EBF3: variants seen among roughly 807,000 people sequenced by gnomAD.
The protein encoded by EBF3 is transcription factor COE3.
EBF3 carries 18 observed loss-of-function variants against 77.1 expected under a neutral mutation model. That is an observed-to-expected ratio of 0.23 (90% CI 0.16 to 0.35). The LOEUF is 0.35. Among genes scored for constraint, EBF3 ranks in the 10% least tolerant of loss-of-function variants. The pLI, the probability that EBF3 is intolerant of heterozygous loss-of-function variation, is 1.00. For synonymous variants in EBF3, 350 were observed against 343.5 expected, an observed-to-expected ratio of 1.02 and a Z score of -0.21; for missense variants, 558 against 860.0, an observed-to-expected ratio of 0.65 and a Z score of 4.39.
intron 10 of EBF3, among the ~76,000 whole-genome samples, chr10:129,854,590 GGAAT>G (rs1338074481): frequency 6.6e-6 from 1 of 152,194 alleles, no homozygotes; most frequent in South Asian, 2.1e-4. Flanking sequence ...ACGCGGCCAT[GGAAT>G]GAAATCGGTT....
At chr10:129,908,680 G>T (rs777404339) in intron 6 of EBF3, among the ~76,000 whole-genome samples, 2 of 152,212 alleles carry the variant, frequency 1.3e-5, no homozygotes, top group African/African-American at 4.8e-5. Flanking sequence ...GGCGTTGATC[G>T]GATTTCCCTT....
At chr10:129,866,078 G>A (rs1340689236) in intron 10 of EBF3, among the ~76,000 whole-genome samples, 1 of 152,202 alleles carries the variant, frequency 6.6e-6, no homozygotes, top group Non-Finnish European at 1.5e-5. Flanking sequence ...AGCCTTTGGA[G>A]TTGGCTAAGA....
intron 8 of EBF3, 89 bp from the exon 9 acceptor site, chr10:129,868,001 C>T (rs550286544): frequency 1.8e-5 from 28 of 1,545,966 alleles, no homozygotes; most frequent in African/African-American, 9.6e-5. Context: ...CCGCGGCCAC[C>T]GCGGGAGGAG....
intron 3 of EBF3, 56 bp downstream of exon 3, chr10:129,962,886 C>T: frequency 2.5e-6 from 4 of 1,591,480 alleles, no homozygotes; most frequent in Non-Finnish European, 3.4e-6. Flanking sequence ...CTTTCACCAG[C>T]GCAGAAAAGG....
chr10:129,850,979 G>A (rs528543669), intron 10 of EBF3, among the ~76,000 whole-genome samples: 19 of 152,236 alleles, frequency 1.2e-4, no homozygotes, highest in Non-Finnish European at 2.2e-4. Flanking sequence ...GCCCTGCCGA[G>A]CCAGGGCAAG....
intron 6 of EBF3, among the ~76,000 whole-genome samples, chr10:129,920,655 C>T (rs565971811): frequency 6.6e-6 from 1 of 152,306 alleles, no homozygotes; most frequent in African/African-American, 2.4e-5. Flanking sequence ...GGTAAAACCC[C>T]GAAGAATCTT....
chr10:129,957,872 C>CA (rs1288230773), intron 5 of EBF3, among the ~76,000 whole-genome samples: 2 of 152,146 alleles, frequency 1.3e-5, no homozygotes, highest in Non-Finnish European at 2.9e-5. Context: ...AGAAATGAAA[C>CA]AAAAATGTTA....
At chr10:129,937,826 G>A (rs1017744579) in intron 6 of EBF3, among the ~76,000 whole-genome samples, 6 of 152,172 alleles carry the variant, frequency 3.9e-5, no homozygotes, top group Admixed American at 6.5e-5. Flanking sequence ...TCCCCAAGAC[G>A]TCACTGTGCT....
intron 6 of EBF3, among the ~76,000 whole-genome samples, chr10:129,934,087 C>T (rs536293201): frequency 1.5e-4 from 23 of 152,280 alleles, no homozygotes; most frequent in African/African-American, 5.5e-4. Context: ...CTCCAAAATT[C>T]ACATTTAGCT....
intron 6 of EBF3, 114 bp from the exon 7 acceptor site, chr10:129,877,963 C>CA: frequency 5.0e-6 from 4 of 796,564 alleles, no homozygotes; most frequent in Non-Finnish European, 7.9e-6. Context: ...ACAGCTTCCA[C>CA]ACTTCCCTCT....
intron 16 of EBF3, among the ~76,000 whole-genome samples, chr10:129,838,668 C>G (rs1849783100): frequency 6.6e-6 from 1 of 152,244 alleles, no homozygotes; most frequent in South Asian, 2.1e-4. Flanking sequence ...TTCACATGAA[C>G]TCCTGGTACG....
chr10:129,957,721 T>C (rs1391779881), intron 5 of EBF3, among the ~76,000 whole-genome samples: 2 of 152,252 alleles, frequency 1.3e-5, no homozygotes, highest in African/African-American at 4.8e-5. Context: ...CTGGAAAAGA[T>C]GCAAGATGCC....
intron 6 of EBF3, among the ~76,000 whole-genome samples, chr10:129,913,065 C>T (rs1470175016): frequency 6.6e-6 from 1 of 152,204 alleles, no homozygotes; most frequent in Non-Finnish European, 1.5e-5. Context: ...ATTGACAGCC[C>T]GATCTTTAAA....
intron 6 of EBF3, among the ~76,000 whole-genome samples, chr10:129,898,214 G>C (rs1413641744): frequency 6.6e-6 from 1 of 152,234 alleles, no homozygotes; most frequent in Non-Finnish European, 1.5e-5. Flanking sequence ...GAAGAGCAAA[G>C]TCATAATTAG....
At chr10:129,910,686 C>G (rs1589838437) in intron 6 of EBF3, among the ~76,000 whole-genome samples, 1 of 152,126 alleles carries the variant, frequency 6.6e-6, no homozygotes, top group African/African-American at 2.4e-5. Context: ...TCCCCCAGAG[C>G]CCCAGGTATA....
At chr10:129,951,423 T>TGCCTCCACC (rs1269128933) in intron 6 of EBF3, among the ~76,000 whole-genome samples, 2 of 152,204 alleles carry the variant, frequency 1.3e-5, no homozygotes, top group Admixed American at 1.3e-4. Context: ...TTCCAGCCCT[T>TGCCTCCACC]GCCTCCACCC....
At chr10:129,958,733 C>G (rs1349685668) in intron 5 of EBF3, among the ~76,000 whole-genome samples, 1 of 152,300 alleles carries the variant, frequency 6.6e-6, no homozygotes, top group South Asian at 2.1e-4. Flanking sequence ...TGCTGAGCAG[C>G]GGGTCGCGTT....
At chr10:129,912,626 AT>A (rs1417999296) in intron 6 of EBF3, among the ~76,000 whole-genome samples, 4 of 152,144 alleles carry the variant, frequency 2.6e-5, no homozygotes, top group South Asian at 2.1e-4. Flanking sequence ...ACAAGAATAT[AT>A]TTTTTCCCTG....
chr10:129,838,015 C>T (rs73381740), intron 16 of EBF3, 55 bp from the exon 17 acceptor site: 16 of 1,610,366 alleles, frequency 9.9e-6, no homozygotes, highest in African/African-American at 5.3e-5. Context: ...CGCCCTCCCG[C>T]CAACGCTGAC....
Sources: gnomAD v4.1 joint callset for allele counts (sites outside exome capture counted in the v4.1 genomes callset) on GRCh38, gnomAD v4.1.1 for gene constraint, MANE v1.5 for transcripts, NCBI Gene and HGNC (gene_info 2026-07-23, HGNC 2026-07-21) for gene names.